AGAP1: variants seen among roughly 807,000 people sequenced by gnomAD.
AGAP1 encodes the protein arf-GAP with GTPase, ANK repeat and PH domain-containing protein 1.
Under a neutral mutation model 105.3 loss-of-function variants are expected in AGAP1, and 29 were observed. The observed-to-expected ratio is 0.28, with a 90% CI of 0.21 to 0.38. The LOEUF (loss-of-function observed/expected upper bound fraction) is 0.38, where lower values mean the gene tolerates loss of function less well. Among genes scored for constraint, AGAP1 ranks in the 10% least tolerant of loss-of-function variants. The pLI is 1.00. For missense variants in AGAP1, 998 were observed against 1,165.1 expected (o/e 0.86, Z 2.09); for synonymous variants, 509 against 485.9 (o/e 1.05, Z -0.63).
At chr2:235,508,407 G>A (rs190525649) in intron 1 of AGAP1, among the ~76,000 whole-genome samples, 2 of 152,310 alleles carry the variant, frequency 1.3e-5, no homozygotes, top group African/African-American at 4.8e-5. Flanking sequence ...AATTCTCTCC[G>A]CAGTTCGCAG....
At chr2:236,098,640 A>T (rs1374274742) in intron 16 of AGAP1, among the ~76,000 whole-genome samples, 6 of 81,246 alleles carry the variant, frequency 7.4e-5, no homozygotes, top group African/African-American at 4.6e-4. Flanking sequence ...TTTTTTTTTT[A>T]GAGAAACAGG....
rs1364478507 is a variant in AGAP1, at chr2:235,577,058, GT to G, written c.163+82210del. On this transcript the variant is annotated intron_variant, in intron 1 of 17. Transcript: ENST00000304032. The surrounding 1 kb of genome is among the most constrained non-coding windows in gnomAD (Gnocchi z 4.5). ...CTTCACCAAGAAAAGCATTTCTGTT[GT>G]CCTGAAATATCAGGCCTTCCTGAAC... Among the ~76,000 whole-genome samples the G allele has an allele frequency of 6.6e-6, 1 of 152,074 alleles. No individual in the cohort carries two copies. The highest frequency in any genetic ancestry group is 1.5e-5 in the Non-Finnish European group (1 of 68,018).
intron 1 of AGAP1, among the ~76,000 whole-genome samples, chr2:235,636,644 C>T (rs1947011971): frequency 1.3e-5 from 2 of 152,176 alleles, no homozygotes; most frequent in Admixed American, 1.3e-4. Context: ...CTCACTGTTC[C>T]AGGACTCCGC....
intron 1 of AGAP1, among the ~76,000 whole-genome samples, chr2:235,648,172 T>C (rs1947455746): frequency 6.6e-6 from 1 of 152,208 alleles, no homozygotes; most frequent in Non-Finnish European, 1.5e-5. Flanking sequence ...CCTCCATCTC[T>C]TTCTCCCTCT....
At position 235,799,217 on chromosome 2, in the gene AGAP1, C is replaced by T; in HGVS notation, c.802-150C>T. The stretch of plus-strand genomic sequence containing the variant: ...AGACTCTGTAGACATGACACTAATA[C>T]ACCTGGCAAAGCCATAGACGCAAGT... On this transcript the variant is annotated intron_variant, in intron 7 of 17. Coordinates refer to ENST00000304032, the MANE Select transcript of AGAP1 (RefSeq NM_001037131.3). This position sits in a 1 kb window ranked among gnomAD's most constrained non-coding sequence, Gnocchi z 5.0. The T allele has an allele frequency of 1.3e-6, 1 of 785,236 alleles. No individual in the cohort carries two copies. The allele number at this position is 785,236 out of a possible 1,614,324, so 48.6% of individuals were successfully genotyped here. A position where few individuals can be genotyped will look rare whatever the true frequency, so the allele number is the denominator to read the frequency against.
chr2:235,696,467 G>A (rs1164830706), intron 1 of AGAP1, among the ~76,000 whole-genome samples: 1 of 152,180 alleles, frequency 6.6e-6, no homozygotes, highest in Admixed American at 6.5e-5. Context: ...GGGCGGGTCG[G>A]GTGCCCCAGC....
At chr2:236,011,428 G>A (rs1235768462) in intron 13 of AGAP1, among the ~76,000 whole-genome samples, 1 of 152,180 alleles carries the variant, frequency 6.6e-6, no homozygotes, top group Non-Finnish European at 1.5e-5. Context: ...TGAGATTCGC[G>A]TATGTGTTTT....
At chr2:236,019,672 A>C (rs1038751112) in intron 13 of AGAP1, among the ~76,000 whole-genome samples, 1 of 152,212 alleles carries the variant, frequency 6.6e-6, no homozygotes, top group Non-Finnish European at 1.5e-5. Flanking sequence ...CAGCGCCCTT[A>C]GGCTTGAGTG....
intron 1 of AGAP1, among the ~76,000 whole-genome samples, chr2:235,666,358 C>T (rs1948127345): frequency 1.3e-5 from 2 of 151,990 alleles, no homozygotes; most frequent in African/African-American, 2.4e-5. Context: ...TCAAAAAAGG[C>T]TGGTCTGGCT....
rs1286035718 is a variant in AGAP1 at position 236,073,913 on chromosome 2, A to C, written c.2114+24632A>C. On this transcript the variant is annotated intron_variant, in intron 16 of 17. Transcript: ENST00000304032. The surrounding 1 kb of genome is among the most constrained non-coding windows in gnomAD (Gnocchi z 5.4). Reference sequence around the variant, plus strand: ...CCTGGGCATGCCCCTCCCCCCAAGCATTTCCGCTGCACATCCCAGCTCAAG... The same window carrying C: ...CCTGGGCATGCCCCTCCCCCCAAGCCTTTCCGCTGCACATCCCAGCTCAAG... Among the ~76,000 whole-genome samples the C allele has an allele frequency of 6.8e-6, 1 of 146,264 alleles. No homozygotes were observed. Among genetic ancestry groups the C allele is most frequent in the Non-Finnish European group, 1.5e-5 (1 of 65,016 alleles).
chr2:235,984,434 G>A (rs2055219636), intron 13 of AGAP1, among the ~76,000 whole-genome samples: 2 of 149,440 alleles, frequency 1.3e-5, no homozygotes, highest in South Asian at 4.2e-4. Context: ...GGGTCATATG[G>A]TAACTCTGTT....
At chr2:235,831,198 A>AAC (rs928685051) in intron 9 of AGAP1, among the ~76,000 whole-genome samples, 3 of 151,918 alleles carry the variant, frequency 2.0e-5, no homozygotes, top group African/African-American at 7.3e-5. Context: ...AAAAAAAAAA[A>AAC]AAAACAGTAA....
chr2:235,557,902 G>C lies in AGAP1; in HGVS notation c.163+63053G>C, dbSNP rs1012485891. On this transcript the variant is annotated intron_variant, in intron 1 of 17. Transcript: ENST00000304032. The surrounding 1 kb of genome is among the most constrained non-coding windows in gnomAD (Gnocchi z 4.7). ...GAGGAACCTATTGGTGCTTTCTTGA[G>C]CCCTGCGCCATGTGAGTGAGGTTTT... 1.3e-5 allele frequency among the ~76,000 whole-genome samples: 2 copies of C among 152,220 alleles called. No homozygotes were observed. The highest frequency in any genetic ancestry group is 4.8e-5 in the African/African-American group (2 of 41,464).
intron 1 of AGAP1, among the ~76,000 whole-genome samples, chr2:235,592,417 C>T (rs1203175842): frequency 6.6e-6 from 1 of 151,620 alleles, no homozygotes; most frequent in Non-Finnish European, 1.5e-5. Flanking sequence ...GGGCAGTGAG[C>T]AGGATGGTGA....
chr2:235,820,925 T>G (rs1958752691), intron 9 of AGAP1, among the ~76,000 whole-genome samples: 1 of 151,936 alleles, frequency 6.6e-6, no homozygotes, highest in African/African-American at 2.4e-5. Context: ...AAGAGCAGAG[T>G]TGTGGAAATG....
At chr2:235,759,841 C>A (rs895289165) in intron 6 of AGAP1, among the ~76,000 whole-genome samples, 5 of 152,070 alleles carry the variant, frequency 3.3e-5, no homozygotes, top group Admixed American at 1.3e-4. Flanking sequence ...AAATTATAAA[C>A]TGAAATAGCA....
At chr2:235,946,583 C>G (rs944998477) in intron 12 of AGAP1, among the ~76,000 whole-genome samples, 1 of 152,112 alleles carries the variant, frequency 6.6e-6, no homozygotes, top group African/African-American at 2.4e-5. Flanking sequence ...GATAAAATTT[C>G]GACACTCTCA....
chr2:235,584,871 T>TGTGTATC (rs1004137486), intron 1 of AGAP1, among the ~76,000 whole-genome samples: 1 of 151,536 alleles, frequency 6.6e-6, no homozygotes, highest in African/African-American at 2.4e-5. Flanking sequence ...CATTGGCTAT[T>TGTGTATC]GTGTATCGTG....
chr2:235,537,273 G>A (rs1046939565), intron 1 of AGAP1, among the ~76,000 whole-genome samples: 3 of 152,256 alleles, frequency 2.0e-5, no homozygotes, highest in African/African-American at 7.2e-5. Flanking sequence ...GGCCGGGAAG[G>A]TGGCATCCGC....
Sources: gnomAD v4.1 joint callset for allele counts (sites outside exome capture counted in the v4.1 genomes callset) on GRCh38, gnomAD v4.1.1 for gene constraint, Gnocchi (gnomAD v3.1) non-coding constraint, MANE v1.5 for transcripts, NCBI Gene and HGNC (gene_info 2026-07-23, HGNC 2026-07-21) for gene names.